The following WDFY4 variants were observed in gnomAD, a reference collection of about 807,000 sequenced individuals.
The protein encoded by WDFY4 is WD repeat- and FYVE domain-containing protein 4.
Under a neutral mutation model 351.9 loss-of-function variants are expected in WDFY4, and 169 were observed. That is an observed-to-expected ratio of 0.48 (90% CI 0.42 to 0.55). The LOEUF (loss-of-function observed/expected upper bound fraction) is 0.55, where lower values mean the gene tolerates loss of function less well. WDFY4 is among the 20% of genes least tolerant of loss of function. WDFY4 has a pLI of 0.00. For synonymous variants in WDFY4, 1,622 were observed against 1,574.6 expected, an observed-to-expected ratio of 1.03 and a Z score of -0.71; for missense variants, 3,803 against 3,935.6, an observed-to-expected ratio of 0.97 and a Z score of 0.90.
At chr10:48,754,054 G>A (rs773475054) in intron 12 of WDFY4, among the ~76,000 whole-genome samples, 5 of 152,024 alleles carry the variant, frequency 3.3e-5, no homozygotes, top group Non-Finnish European at 7.4e-5. Flanking sequence ...TATTAATGTG[G>A]TGTATTTTGT....
chr10:48,693,038 C>T (rs1359285518), intron 1 of WDFY4, among the ~76,000 whole-genome samples: 1 of 152,012 alleles, frequency 6.6e-6, no homozygotes, highest in Non-Finnish European at 1.5e-5. Flanking sequence ...GATTTCCAGG[C>T]AGAGGAGGTG....
intron 40 of WDFY4, among the ~76,000 whole-genome samples, chr10:48,869,694 C>A (rs1042393540): frequency 3.3e-5 from 5 of 152,114 alleles, no homozygotes; most frequent in African/African-American, 1.2e-4. Flanking sequence ...TTAGGCCATC[C>A]AGTTCTTATG....
chr10:48,692,306 C>A (rs1240878557), intron 1 of WDFY4, among the ~76,000 whole-genome samples: 1 of 152,208 alleles, frequency 6.6e-6, no homozygotes, highest in African/African-American at 2.4e-5. Flanking sequence ...GCCAGGACAC[C>A]TTTACCCTAT....
At chr10:48,857,949 G>C (rs1589760845) in intron 39 of WDFY4, among the ~76,000 whole-genome samples, 1 of 151,958 alleles carries the variant, frequency 6.6e-6, no homozygotes, top group Non-Finnish European at 1.5e-5. Context: ...CTGCCACCAT[G>C]CCTGGCTAAT....
chr10:48,851,471 C>T (rs1008292618), intron 39 of WDFY4, among the ~76,000 whole-genome samples: 2 of 152,180 alleles, frequency 1.3e-5, no homozygotes, highest in African/African-American at 4.8e-5. Flanking sequence ...ATGGCCAATA[C>T]AGTGCAGGTG....
intron 56 of WDFY4, 99 bp from the exon 57 acceptor site, chr10:48,970,032 C>A: frequency 7.1e-7 from 1 of 1,407,302 alleles, no homozygotes; most frequent in South Asian, 1.4e-5. Flanking sequence ...TCCCCAGTTC[C>A]CAAGGCACTC....
chr10:48,715,808 C>CTTTTTTTTTTT (rs11101438), intron 2 of WDFY4, among the ~76,000 whole-genome samples: 1 of 141,294 alleles, frequency 7.1e-6, no homozygotes, highest in African/African-American at 2.6e-5. Context: ...CTTTTCTTTT[C>CTTTTTTTTTTT]TTTTTTTTTT....
At chr10:48,975,641 GA>G (rs1842535498) in intron 58 of WDFY4, among the ~76,000 whole-genome samples, 1 of 152,196 alleles carries the variant, frequency 6.6e-6, no homozygotes. Context: ...AATTTTTGCT[GA>G]AAGTGGTGCT....
rs1352344126 is a variant in WDFY4 at position 48,974,519 on chromosome 10, A to AAAAAAAAAAAAAAAAAAAAACAAC, written c.8929-333_8929-332insAAAAAAAAAACAACAAAAAAAAAA. ...CTCCGTCTCAAAAAAAAAAAAAAAA[A>AAAAAAAAAAAAAAAAAAAAACAAC]AAAAAAAAAACAACTCATGACATGA... is the stretch of plus-strand genomic sequence containing the variant. On this transcript the variant is annotated intron_variant, in intron 57 of 61. Transcript: ENST00000325239. Among the ~76,000 whole-genome samples, 18 of 49,968 alleles carry AAAAAAAAAAAAAAAAAAAAACAAC rather than the reference A, an allele frequency of 3.6e-4. 1 individual carries two copies. Among genetic ancestry groups the AAAAAAAAAAAAAAAAAAAAACAAC allele is most frequent in the Non-Finnish European group, 4.7e-4 (13 of 27,746 alleles). 32.8% of individuals were successfully genotyped at this position (49,968 alleles called of 152,430 possible). A position where few individuals can be genotyped will look rare whatever the true frequency, so the allele number is the denominator to read the frequency against.
At chr10:48,851,371 T>G (rs1309376280) in intron 39 of WDFY4, among the ~76,000 whole-genome samples, 1 of 152,220 alleles carries the variant, frequency 6.6e-6, no homozygotes, top group East Asian at 1.9e-4. Context: ...TGTCCACTAT[T>G]TGTGCAAATA....
chr10:48,894,443 T>C (rs1325943471), intron 44 of WDFY4, among the ~76,000 whole-genome samples: 1 of 152,242 alleles, frequency 6.6e-6, no homozygotes, highest in East Asian at 1.9e-4. Context: ...TTTCACCTCT[T>C]GAGGACCACA....
intron 57 of WDFY4, among the ~76,000 whole-genome samples, chr10:48,971,289 G>A (rs905879919): frequency 4.6e-5 from 7 of 152,192 alleles, no homozygotes; most frequent in Non-Finnish European, 8.8e-5. Flanking sequence ...GAGGTCAGGA[G>A]ATCGAGACCA....
chr10:48,811,230 A>C (rs1224204078), intron 29 of WDFY4, among the ~76,000 whole-genome samples: 2 of 152,178 alleles, frequency 1.3e-5, no homozygotes, highest in Non-Finnish European at 2.9e-5. Context: ...TGCAAGCTTC[A>C]TGAGTGCCTG....
In WDFY4 at chr10:48,743,481, G is replaced by A; in HGVS notation, c.2392G>A (p.Val798Ile). Residue 798 changes from valine (V) to isoleucine (I), a missense_variant, in exon 12 of 62, where the codon GTT becomes ATT. By Grantham distance (29) the Val-to-Ile change is conservative. Coordinates refer to ENST00000325239, the MANE Select transcript of WDFY4 (RefSeq NM_001394531.1). The stretch of plus-strand genomic sequence containing the variant: ...GACCAAGCAGGGGCCGGTTGTGGAT[G>A]TTCAGAAGGGAGAAACTGGCAGTGA... ...LRTKQGPVVD[V>I]QKGETGSDPQ... 6.5e-7 allele frequency: 1 copy of A among 1,546,088 alleles called. No individual in the cohort carries two copies. The highest frequency in any genetic ancestry group is 1.7e-4 in the Middle Eastern group (1 of 5,990).
chr10:48,767,726 C>T (rs11101468), intron 13 of WDFY4, among the ~76,000 whole-genome samples: 8,859 of 152,236 alleles, frequency 0.058, 432 homozygotes, highest in East Asian at 0.14. Context: ...GAATGCATGT[C>T]TATGCTAGGT....
At chr10:48,873,783 T>G in intron 41 of WDFY4, 86 bp downstream of exon 41, 4 of 1,413,310 alleles carry the variant, frequency 2.8e-6, no homozygotes, top group Non-Finnish European at 3.8e-6. Flanking sequence ...TCACATGTTG[T>G]TTATATCAGG....
intron 1 of WDFY4, among the ~76,000 whole-genome samples, chr10:48,685,879 T>G (rs1352845504): frequency 7.1e-6 from 1 of 141,208 alleles, no homozygotes; most frequent in Non-Finnish European, 1.5e-5. Flanking sequence ...GGGTCTACGG[T>G]GCTCAGCAGG....
rs948651600 is a variant in WDFY4 at position 48,760,335 on chromosome 10, C to G, written c.2460-12C>G. On this transcript the variant is annotated splice_polypyrimidine_tract_variant and intron_variant, in intron 12 of 61. Transcript: ENST00000325239. ...GTCCGTGTCTCATGTCTGGCTCTCC[C>G]TCTCTCTGCAGGATGGATGAGGGAG... 5 of 1,551,054 alleles carry G rather than the reference C, an allele frequency of 3.2e-6. No individual in the cohort carries two copies. The highest frequency in any genetic ancestry group is 4.4e-6 in the Non-Finnish European group (5 of 1,146,702).
intron 39 of WDFY4, among the ~76,000 whole-genome samples, chr10:48,857,257 A>T (rs189818462): frequency 2.7e-4 from 41 of 151,852 alleles, no homozygotes; most frequent in African/African-American, 9.2e-4. Context: ...ACAAACTATT[A>T]AAAAAAGTGT....
Sources: allele counts gnomAD v4.1 joint callset (sites outside exome capture counted in the v4.1 genomes callset), GRCh38; gene constraint gnomAD v4.1.1; transcripts MANE v1.5; gene names NCBI Gene and HGNC (gene_info 2026-07-23, HGNC 2026-07-21).